MARCHF1: variants seen among roughly 807,000 people sequenced by gnomAD.
MARCHF1 encodes membrane associated ring-CH-type finger 1.
In MARCHF1, 40 loss-of-function variants were observed where a neutral mutation model predicts 54.2. The observed-to-expected ratio is 0.74, with a 90% CI of 0.57 to 0.96. The LOEUF (loss-of-function observed/expected upper bound fraction) is 0.96, where lower values mean the gene tolerates loss of function less well. Among genes scored for constraint, MARCHF1 ranks in the 40% least tolerant of loss-of-function variants. The pLI, the probability that MARCHF1 is intolerant of heterozygous loss-of-function variation, is 0.00. For synonymous variants in MARCHF1, 236 were observed against 236.3 expected (o/e 1.00, Z 0.01); for missense variants, 586 against 656.5 (o/e 0.89, Z 1.17).
chr4:164,050,939 A>G (rs1754352089), intron 2 of MARCHF1, among the ~76,000 whole-genome samples: 2 of 152,006 alleles, frequency 1.3e-5, no homozygotes, highest in Non-Finnish European at 2.9e-5. Context: ...TCTCAATAAT[A>G]ATAATAGTAA....
intron 1 of MARCHF1, among the ~76,000 whole-genome samples, chr4:164,165,095 G>A (rs1404644259): frequency 6.6e-6 from 1 of 151,942 alleles, no homozygotes; most frequent in Admixed American, 6.6e-5. Context: ...ATAGCCCAAT[G>A]GTTCTGTGAA....
intron 1 of MARCHF1, among the ~76,000 whole-genome samples, chr4:164,142,298 C>A (rs1756564485): frequency 6.6e-6 from 1 of 152,166 alleles, no homozygotes; most frequent in South Asian, 2.1e-4. Context: ...AGCCTGGAAG[C>A]TCAAACTGGG....
intron 3 of MARCHF1, among the ~76,000 whole-genome samples, chr4:163,986,246 CTTCTTTTTTTTTTT>C (rs375242866): frequency 1.4e-5 from 1 of 73,758 alleles, no homozygotes; most frequent in Admixed American, 1.9e-4. Context: ...TAATTAACCT[CTTCTTTTTTTTTTT>C]TTTTTTTTTT....
intron 2 of MARCHF1, among the ~76,000 whole-genome samples, chr4:164,093,912 C>T (rs547563067): frequency 6.6e-6 from 1 of 152,012 alleles, no homozygotes; most frequent in Non-Finnish European, 1.5e-5. Flanking sequence ...TTTGTTCCTC[C>T]AGCTCTTCTG....
At chr4:164,089,945 AT>A (rs1194167824) in intron 2 of MARCHF1, among the ~76,000 whole-genome samples, 1 of 151,322 alleles carries the variant, frequency 6.6e-6, no homozygotes, top group Non-Finnish European at 1.5e-5. Flanking sequence ...AGTAAATTAT[AT>A]TTTCTTAGAA....
chr4:163,727,284 G>A (rs900698969), intron 4 of MARCHF1, among the ~76,000 whole-genome samples: 1 of 151,510 alleles, frequency 6.6e-6, no homozygotes, highest in East Asian at 1.9e-4. Context: ...AAGGGTGTAG[G>A]GTTTCTGTTT....
At chr4:164,029,685 C>T (rs1160050300) in intron 2 of MARCHF1, among the ~76,000 whole-genome samples, 2 of 152,140 alleles carry the variant, frequency 1.3e-5, no homozygotes, top group Non-Finnish European at 2.9e-5. Flanking sequence ...ACCTCTGCCT[C>T]CTGGGTTAAA....
chr4:163,798,330 C>G (rs1402307690), intron 4 of MARCHF1, among the ~76,000 whole-genome samples: 3 of 152,012 alleles, frequency 2.0e-5, no homozygotes, highest in Non-Finnish European at 2.9e-5. Context: ...GTGCTGGAAC[C>G]CTGATTTTAG....
At chr4:163,572,283 G>A (rs1166909411) in intron 8 of MARCHF1, among the ~76,000 whole-genome samples, 10 of 145,792 alleles carry the variant, frequency 6.9e-5, no homozygotes, top group Admixed American at 4.1e-4. Flanking sequence ...TCTTCTGAAC[G>A]TTTAAAATGC....
chr4:163,722,577 G>T (rs1010668987), intron 4 of MARCHF1, among the ~76,000 whole-genome samples: 1 of 152,144 alleles, frequency 6.6e-6, no homozygotes, highest in African/African-American at 2.4e-5. Context: ...TCAGTTCCTG[G>T]ATATCCTTGT....
In MARCHF1 at chr4:163,706,756, A is replaced by T. The variant is rs1177444078; in HGVS notation, c.112-5893T>A. Among the ~76,000 whole-genome samples the T allele has an allele frequency of 2.0e-5, 3 of 152,004 alleles. No individual in the cohort carries two copies. The East Asian group carries it at 5.8e-4, about 29-fold the overall frequency. On this transcript the variant is annotated intron_variant, in intron 4 of 9. Coordinates refer to ENST00000514618, the MANE Select transcript of MARCHF1 (RefSeq NM_001394959.1). ...GAGAAGAAAGGAGGTAGATAAAATG[A>T]TCTTAAAAAACAATGTTCTTAAAGA...
chr4:164,356,797 G>GCAAAAAAAAAAAAA, intron 1 of MARCHF1, among the ~76,000 whole-genome samples: 1 of 88,646 alleles, frequency 1.1e-5, no homozygotes. Flanking sequence ...AAAAAAAATA[G>GCAAAAAAAAAAAAA]TATTGTTAAC....
At chr4:163,642,687 T>C (rs1190646034) in intron 5 of MARCHF1, among the ~76,000 whole-genome samples, 1 of 152,182 alleles carries the variant, frequency 6.6e-6, no homozygotes, top group East Asian at 1.9e-4. Flanking sequence ...TTTATCCTTC[T>C]GGTTTGTTCC....
chr4:164,057,870 T>G (rs1754529965), intron 2 of MARCHF1, among the ~76,000 whole-genome samples: 1 of 152,160 alleles, frequency 6.6e-6, no homozygotes, highest in Non-Finnish European at 1.5e-5. Context: ...AAAAGGATGT[T>G]GAAAATCTAA....
intron 4 of MARCHF1, among the ~76,000 whole-genome samples, chr4:163,817,147 C>G (rs1748555237): frequency 6.6e-6 from 1 of 151,988 alleles, no homozygotes; most frequent in African/African-American, 2.4e-5. Flanking sequence ...AGATGAAAAA[C>G]AATGCTAGAC....
At chr4:163,794,946 C>T (rs779685459) in intron 4 of MARCHF1, among the ~76,000 whole-genome samples, 5 of 152,172 alleles carry the variant, frequency 3.3e-5, no homozygotes, top group Non-Finnish European at 5.9e-5. Flanking sequence ...TGGAATCCTG[C>T]CTCCCCACCT....
intron 1 of MARCHF1, among the ~76,000 whole-genome samples, chr4:164,203,839 A>G (rs1731524880): frequency 6.6e-6 from 1 of 152,230 alleles, no homozygotes; most frequent in Non-Finnish European, 1.5e-5. Flanking sequence ...TAAAAGAAAC[A>G]AAAAAGCTGA....
chr4:163,978,357 A>G lies in MARCHF1; in HGVS notation c.-39+10144T>C, dbSNP rs533028128. 7.2e-5 allele frequency among the ~76,000 whole-genome samples: 11 copies of G among 152,346 alleles called. No homozygotes were observed. In the South Asian group the frequency reaches 2.1e-3, roughly 29 times the overall value. ...TCACTGAGAATAATAAAATATGTTG[A>G]GGAAAAATACAGTCAACATAGGGAA... is the stretch of plus-strand genomic sequence containing the variant. On this transcript the variant is annotated intron_variant, in intron 3 of 9. Transcript: ENST00000514618.
At chr4:163,678,034 G>A (rs1310967632) in intron 5 of MARCHF1, among the ~76,000 whole-genome samples, 1 of 152,178 alleles carries the variant, frequency 6.6e-6, no homozygotes, top group Non-Finnish European at 1.5e-5. Flanking sequence ...ATTGGTGATG[G>A]TAATGAAGAA....
Sources: allele counts gnomAD v4.1 joint callset (sites outside exome capture counted in the v4.1 genomes callset), GRCh38; gene constraint gnomAD v4.1.1; transcripts MANE v1.5; gene names NCBI Gene and HGNC (gene_info 2026-07-23, HGNC 2026-07-21).